Variants in RFTN1 observed in about 807,000 individuals in gnomAD.
RFTN1 encodes raftlin.
A neutral mutation model predicts 46.5 loss-of-function variants in RFTN1; 26 were observed. That is an observed-to-expected ratio of 0.56 (90% CI 0.41 to 0.78). RFTN1 has a LOEUF of 0.78. Ranked by LOEUF, RFTN1 falls within the 30% of genes least tolerant of loss-of-function variation. The pLI is 0.00. For missense variants in RFTN1, 693 were observed against 718.7 expected (o/e 0.96, Z 0.41); for synonymous variants, 261 against 284.2 (o/e 0.92, Z 0.82).
rs2075842166 is a variant in RFTN1 at position 16,452,821 on chromosome 3, G to A, written c.146-18784C>T. ...CTGTTATGTGACAATATCACAAGCC[G>A]TTCTTCCCTATCAAGTTCTTTTGCA... On this transcript the variant is annotated intron_variant, in intron 2 of 9. Coordinates refer to ENST00000334133, the MANE Select transcript of RFTN1 (RefSeq NM_015150.2). The surrounding 1 kb of genome is among the most constrained non-coding windows in gnomAD (Gnocchi z 6.3). 6.6e-6 allele frequency among the ~76,000 whole-genome samples: 1 copy of A among 152,130 alleles called. No homozygotes were observed. The highest frequency in any genetic ancestry group is 1.5e-5 in the Non-Finnish European group (1 of 68,018).
At chr3:16,485,721 C>T (rs1232115877) in intron 2 of RFTN1, among the ~76,000 whole-genome samples, 1 of 152,244 alleles carries the variant, frequency 6.6e-6, no homozygotes, top group Admixed American at 6.5e-5. Context: ...TTACACCTAT[C>T]AGAACTCATC....
chr3:16,326,418 A>AT (rs1466624082), intron 8 of RFTN1, among the ~76,000 whole-genome samples: 1 of 152,162 alleles, frequency 6.6e-6, no homozygotes, highest in Non-Finnish European at 1.5e-5. Flanking sequence ...GAGGACTGAG[A>AT]TTTTTATATA....
intron 6 of RFTN1, among the ~76,000 whole-genome samples, chr3:16,365,975 C>T (rs2073142270): frequency 6.6e-6 from 1 of 151,854 alleles, no homozygotes; most frequent in African/African-American, 2.4e-5. Flanking sequence ...TAATCAGCTG[C>T]AAAGGCCATT....
chr3:16,335,803 G>T lies in RFTN1; in HGVS notation c.1147-8927C>A, dbSNP rs774740264. Among the ~76,000 whole-genome samples, 13 of 149,604 alleles carry T rather than the reference G, an allele frequency of 8.7e-5. No homozygotes were observed. The highest frequency in any genetic ancestry group is 1.6e-4 in the Non-Finnish European group (11 of 67,512). Reference sequence around the variant, plus strand: ...AAAAAAAAAAAAAAAAAAGGAGTTTGATCACACCATCAAATATCTCAAGAG... The same window carrying T: ...AAAAAAAAAAAAAAAAAAGGAGTTTTATCACACCATCAAATATCTCAAGAG... On this transcript the variant is annotated intron_variant, in intron 7 of 9. Transcript: ENST00000334133. This position sits in a 1 kb window ranked among gnomAD's most constrained non-coding sequence, Gnocchi z 4.7.
At chr3:16,420,344 C>T (rs905646993) in intron 3 of RFTN1, among the ~76,000 whole-genome samples, 4 of 152,170 alleles carry the variant, frequency 2.6e-5, no homozygotes, top group African/African-American at 4.8e-5. Flanking sequence ...AGTAGCGATG[C>T]ATAATTAATA....
chr3:16,359,478 T>C (rs1333949471), intron 6 of RFTN1, among the ~76,000 whole-genome samples: 1 of 152,172 alleles, frequency 6.6e-6, no homozygotes, highest in Non-Finnish European at 1.5e-5. Context: ...CTTAGTCTAA[T>C]AGGACTGGTG....
chr3:16,416,392 T>C (rs2075080011), intron 3 of RFTN1, among the ~76,000 whole-genome samples: 1 of 152,220 alleles, frequency 6.6e-6, no homozygotes, highest in Non-Finnish European at 1.5e-5. Context: ...AAATGCAGTA[T>C]AGTACCCTGG....
At position 16,326,875 on chromosome 3, in the gene RFTN1, C is replaced by T. The variant is rs1171785562; in HGVS notation, c.1148G>A (p.Gly383Asp). Residue 383 changes from glycine to aspartate, a missense_variant and splice_region_variant, in exon 8 of 10, where the codon GGT becomes GAT. Coordinates refer to ENST00000334133, the MANE Select transcript of RFTN1 (RefSeq NM_015150.2). Reference protein sequence around the residue: ...IVVEQWTVLEGVEVQTDYVPL... With the variant: ...IVVEQWTVLEDVEVQTDYVPL... ...CACGTAGTCTGTCTGCACTTCGACA[C>T]CCTGGGGGAACAAGGCCAGCATTAG... The T allele has an allele frequency of 6.2e-7, 1 of 1,612,930 alleles. No homozygotes were observed. The highest frequency in any genetic ancestry group is 8.5e-7 in the Non-Finnish European group (1 of 1,179,556).
intron 2 of RFTN1, among the ~76,000 whole-genome samples, chr3:16,436,378 A>T (rs11717804): frequency 0.085 from 12,747 of 150,314 alleles, 656 homozygotes; most frequent in Middle Eastern, 0.13. Flanking sequence ...TTTTTTTAAG[A>T]CAAAGTCTCT....
chr3:16,497,813 A>C (rs114859430), intron 1 of RFTN1, among the ~76,000 whole-genome samples: 1 of 152,232 alleles, frequency 6.6e-6, no homozygotes, highest in African/African-American at 2.4e-5. Flanking sequence ...CCTGGTAGCC[A>C]CTACCACTTT....
intron 4 of RFTN1, among the ~76,000 whole-genome samples, chr3:16,396,062 T>TAC (rs1484677623): frequency 6.6e-6 from 1 of 152,224 alleles, no homozygotes; most frequent in African/African-American, 2.4e-5. Context: ...ATTTAAAATA[T>TAC]ACATAGATGG....
chr3:16,359,811 G>A lies in RFTN1; in HGVS notation c.1031-1764C>T, dbSNP rs564167272. Among the ~76,000 whole-genome samples the A allele has an allele frequency of 4.8e-3, 733 of 152,114 alleles. 7 individuals carry two copies. Among genetic ancestry groups the A allele is most frequent in the African/African-American group, 0.016 (682 of 41,508 alleles). On this transcript the variant is annotated intron_variant, in intron 6 of 9. Transcript: ENST00000334133. ...TTTAATAGGGCAAATCCATAATAATGTGACCTTTTTTTTTTCATGGGGAGG... is the reference window on the plus strand; with the variant it reads ...TTTAATAGGGCAAATCCATAATAATATGACCTTTTTTTTTTCATGGGGAGG...
Position 16,443,029 on chromosome 3 carries a change from C to T in RFTN1, c.146-8992G>A, listed in dbSNP as rs772826910. The stretch of plus-strand genomic sequence containing the variant: ...CATATCCTGGCTATTGTGAATAATG[C>T]TGCATGGAGTGCAGATATCTCTTCA... On this transcript the variant is annotated intron_variant, in intron 2 of 9. Coordinates refer to ENST00000334133, the MANE Select transcript of RFTN1 (RefSeq NM_015150.2). This position sits in a 1 kb window ranked among gnomAD's most constrained non-coding sequence, Gnocchi z 5.5. Among the ~76,000 whole-genome samples, 1 of 152,204 alleles carries T rather than the reference C, an allele frequency of 6.6e-6. No individual in the cohort carries two copies. Among genetic ancestry groups the T allele is most frequent in the Non-Finnish European group, 1.5e-5 (1 of 68,042 alleles).
intron 1 of RFTN1, among the ~76,000 whole-genome samples, chr3:16,502,381 CT>C (rs2076724993): frequency 7.2e-6 from 1 of 139,262 alleles, no homozygotes; most frequent in Non-Finnish European, 1.5e-5. Context: ...GAGACCTTGT[CT>C]CAAAAAAAAA....
intron 4 of RFTN1, among the ~76,000 whole-genome samples, chr3:16,389,632 G>A (rs1199950659): frequency 3.9e-5 from 6 of 152,122 alleles, no homozygotes; most frequent in Admixed American, 2.0e-4. Context: ...TATTTGTTAC[G>A]TATTCTCAAA....
rs369377555 is a variant in RFTN1, at chr3:16,491,887, C to A, written c.145+1838G>T. On this transcript the variant is annotated intron_variant, in intron 2 of 9. Coordinates refer to ENST00000334133, the MANE Select transcript of RFTN1 (RefSeq NM_015150.2). ...TCTTTTCAATCCTTTCTCCTAGACA[C>A]GCTTTTGTTTTTCCCTAATCCTCCC... Among the ~76,000 whole-genome samples, 2 of 152,126 alleles carry A rather than the reference C, an allele frequency of 1.3e-5. 1 individual carries two copies. The highest frequency in any genetic ancestry group is 4.2e-4 in the South Asian group (2 of 4,814).
Position 16,400,030 on chromosome 3 carries a change from C to T in RFTN1, c.441+9345G>A, listed in dbSNP as rs111847871. Among the ~76,000 whole-genome samples, 1,116 of 152,326 alleles carry T rather than the reference C, an allele frequency of 7.3e-3. 10 individuals are homozygous for T. The highest frequency in any genetic ancestry group is 0.025 in the African/African-American group (1,038 of 41,566). On this transcript the variant is annotated intron_variant, in intron 4 of 9. Coordinates refer to ENST00000334133, the MANE Select transcript of RFTN1 (RefSeq NM_015150.2). This position sits in a 1 kb window ranked among gnomAD's most constrained non-coding sequence, Gnocchi z 4.5. ...GACCCAGAAGCCAGTCACTAACCTG[C>T]AGCCATTCTGATCTTTCCAAAGTAT...
intron 3 of RFTN1, among the ~76,000 whole-genome samples, chr3:16,416,571 G>A (rs1559336167): frequency 6.6e-6 from 1 of 152,148 alleles, no homozygotes; most frequent in Non-Finnish European, 1.5e-5. Flanking sequence ...GAATTCTCTG[G>A]AATACCTTTG....
rs187603125 is a variant in RFTN1 at position 16,424,139 on chromosome 3, A to T, written c.332+9712T>A. Reference sequence around the variant, plus strand: ...GGACTGGGGATGTTACAAAGCCCAGAAAATTCTCAGAATTCTCTGAGGATG... The same window carrying T: ...GGACTGGGGATGTTACAAAGCCCAGTAAATTCTCAGAATTCTCTGAGGATG... On this transcript the variant is annotated intron_variant, in intron 3 of 9. Coordinates refer to ENST00000334133, the MANE Select transcript of RFTN1 (RefSeq NM_015150.2). The surrounding 1 kb of genome is among the most constrained non-coding windows in gnomAD (Gnocchi z 4.7). Among the ~76,000 whole-genome samples the T allele has an allele frequency of 4.6e-5, 7 of 152,322 alleles. No homozygotes were observed. The East Asian group carries it at 1.2e-3, about 25-fold the overall frequency.
Sources: allele counts gnomAD v4.1 joint callset (sites outside exome capture counted in the v4.1 genomes callset), GRCh38; gene constraint gnomAD v4.1.1; non-coding constraint Gnocchi (gnomAD v3.1); transcripts MANE v1.5; gene names NCBI Gene and HGNC (gene_info 2026-07-23, HGNC 2026-07-21).